WNT7A: variants seen among roughly 807,000 people sequenced by gnomAD.
WNT7A encodes protein Wnt-7a.
In WNT7A, 16 loss-of-function variants were observed where a neutral mutation model predicts 28.2. That is an observed-to-expected ratio of 0.57 (90% CI 0.38 to 0.86). The LOEUF (loss-of-function observed/expected upper bound fraction) is 0.86. Among genes scored for constraint, WNT7A ranks in the 40% least tolerant of loss-of-function variants. The pLI is 0.00. For synonymous variants in WNT7A, 190 were observed against 195.9 expected, an observed-to-expected ratio of 0.97 and a Z score of 0.25; for missense variants, 411 against 489.7, an observed-to-expected ratio of 0.84 and a Z score of 1.52.
intron 3 of WNT7A, among the ~76,000 whole-genome samples, chr3:13,849,872 G>A (rs1694600415): frequency 6.6e-6 from 1 of 152,212 alleles, no homozygotes; most frequent in Non-Finnish European, 1.5e-5. Flanking sequence ...TTGGTTGACT[G>A]CAGGAGTGTG....
At chr3:13,849,586 G>T (rs1320691098) in intron 3 of WNT7A, among the ~76,000 whole-genome samples, 1 of 152,264 alleles carries the variant, frequency 6.6e-6, no homozygotes, top group East Asian at 1.9e-4. Flanking sequence ...ACCCTGTGGT[G>T]CTGACCCTGC....
At chr3:13,832,254 T>C (rs1458393499) in intron 3 of WNT7A, among the ~76,000 whole-genome samples, 3 of 146,156 alleles carry the variant, frequency 2.1e-5, no homozygotes, top group African/African-American at 7.6e-5. Context: ...CCTCCTCCTC[T>C]TGCTCCCATC....
chr3:13,856,278 G>T (rs562414450), intron 2 of WNT7A, among the ~76,000 whole-genome samples: 1 of 152,216 alleles, frequency 6.6e-6, no homozygotes. Flanking sequence ...TCTCCTGTCC[G>T]CATCTCAGTC....
At chr3:13,847,857 T>C (rs1291244506) in intron 3 of WNT7A, among the ~76,000 whole-genome samples, 2 of 152,036 alleles carry the variant, frequency 1.3e-5, no homozygotes. Context: ...AGTCTTCGTT[T>C]GGGAAGATGG....
chr3:13,847,920 T>C (rs1356646669), intron 3 of WNT7A, among the ~76,000 whole-genome samples: 1 of 152,166 alleles, frequency 6.6e-6, no homozygotes, highest in Non-Finnish European at 1.5e-5. Context: ...GAGAGTGTGC[T>C]TGATGCCACT....
intron 3 of WNT7A, among the ~76,000 whole-genome samples, chr3:13,851,118 G>T (rs115012158): frequency 6.6e-6 from 1 of 152,056 alleles, no homozygotes; most frequent in Non-Finnish European, 1.5e-5. Flanking sequence ...CTCCCCAGCC[G>T]TGCGCCCCGA....
intron 3 of WNT7A, among the ~76,000 whole-genome samples, chr3:13,832,483 C>T (rs544018989): frequency 1.4e-4 from 21 of 151,960 alleles, no homozygotes; most frequent in African/African-American, 4.6e-4. Context: ...CCTCCTCCTC[C>T]CCCTCCTCAG....
At chr3:13,837,807 G>A (rs1226423994) in intron 3 of WNT7A, among the ~76,000 whole-genome samples, 1 of 152,152 alleles carries the variant, frequency 6.6e-6, no homozygotes, top group East Asian at 1.9e-4. Context: ...CCCCAGCAAG[G>A]CCCTGCCCAG....
intron 2 of WNT7A, among the ~76,000 whole-genome samples, chr3:13,862,749 T>C (rs1011315209): frequency 6.6e-6 from 1 of 152,216 alleles, no homozygotes; most frequent in Non-Finnish European, 1.5e-5. Context: ...CCAGCCTCTG[T>C]CTTTCTCCAT....
chr3:13,847,844 CAG>C (rs1258039045), intron 3 of WNT7A, among the ~76,000 whole-genome samples: 1 of 152,052 alleles, frequency 6.6e-6, no homozygotes, highest in African/African-American at 2.4e-5. Flanking sequence ...TTAACAGGGA[CAG>C]AGTCTTCGTT....
chr3:13,852,832 G>A lies in WNT7A; in HGVS notation c.570+1700C>T, dbSNP rs530864180. ...ACTCAGCCCTTTCTCTGCATACACC[G>A]GGGAGTCCACAGTCCCACCTCTTGG... On this transcript the variant is annotated intron_variant, in intron 3 of 3. Coordinates refer to ENST00000285018, the MANE Select transcript of WNT7A (RefSeq NM_004625.4). 3.3e-5 allele frequency among the ~76,000 whole-genome samples: 5 copies of A among 152,254 alleles called. No individual in the cohort carries two copies. In the East Asian group the frequency reaches 7.7e-4, roughly 24 times the overall value.
At chr3:13,862,923 G>A (rs1024210223) in intron 2 of WNT7A, among the ~76,000 whole-genome samples, 11 of 152,202 alleles carry the variant, frequency 7.2e-5, no homozygotes, top group African/African-American at 2.4e-4. Context: ...AGTGAATGTA[G>A]CCCAGGAAGT....
intron 3 of WNT7A, among the ~76,000 whole-genome samples, chr3:13,832,443 T>C (rs1559296522): frequency 7.4e-6 from 1 of 134,996 alleles, no homozygotes; most frequent in African/African-American, 2.8e-5. Flanking sequence ...TTCTCAAGCT[T>C]CTCCTTCTTC....
rs1234520911 is a variant in WNT7A at position 13,846,193 on chromosome 3, C to T, written c.570+8339G>A. 1.1e-4 allele frequency among the ~76,000 whole-genome samples: 16 copies of T among 152,250 alleles called. 1 individual carries two copies. The highest frequency in any genetic ancestry group is 1.0e-3 in the Admixed American group (16 of 15,288). On this transcript the variant is annotated intron_variant, in intron 3 of 3. Transcript: ENST00000285018. ...TGCACGTGTGCGTGCCTGGATAACC[C>T]ACAACCCAAATGACCACATAGTGGG...
chr3:13,819,189 C>T lies in WNT7A; in HGVS notation c.805G>A (p.Val269Met), dbSNP rs752474668. The change falls in exon 4 of 4, where the codon GTG becomes ATG. Residue 269 changes from valine to methionine, a missense_variant. Physicochemically the swap from Val to Met is conservative, Grantham distance 21. Coordinates refer to ENST00000285018, the MANE Select transcript of WNT7A (RefSeq NM_004625.4). Reference sequence around the variant, plus strand: ...TAGTTGGGCGACTTCTCGATGTACACCAGGTCCGTGTCCATGGGCTTGCGG... The same window carrying T: ...TAGTTGGGCGACTTCTCGATGTACATCAGGTCCGTGTCCATGGGCTTGCGG... ...SYRKPMDTDL[V>M]YIEKSPNYCE... The T allele has an allele frequency of 6.2e-7, 1 of 1,614,270 alleles. No individual in the cohort carries two copies.
intron 3 of WNT7A, among the ~76,000 whole-genome samples, chr3:13,831,483 G>C (rs1461081948): frequency 6.6e-6 from 1 of 152,188 alleles, no homozygotes; most frequent in African/African-American, 2.4e-5. Flanking sequence ...GGGTGGGCTA[G>C]GATGGCCTTG....
chr3:13,866,738 T>C (rs769664180), intron 2 of WNT7A, among the ~76,000 whole-genome samples: 3 of 152,080 alleles, frequency 2.0e-5, no homozygotes, highest in Admixed American at 6.5e-5. Context: ...TGGGTGTGCG[T>C]TTTATTCTCA....
intron 3 of WNT7A, among the ~76,000 whole-genome samples, chr3:13,852,238 C>A (rs891250288): frequency 1.3e-5 from 2 of 152,240 alleles, no homozygotes; most frequent in Non-Finnish European, 2.9e-5. Flanking sequence ...TTCTCTCACA[C>A]CAGCTGCCAA....
At chr3:13,877,371 C>T (rs755823095) in intron 1 of WNT7A, among the ~76,000 whole-genome samples, 8 of 152,170 alleles carry the variant, frequency 5.3e-5, no homozygotes, top group Non-Finnish European at 1.2e-4. Context: ...GCGCTAAACC[C>T]GAGTCTAACA....
Sources: gnomAD v4.1 joint callset for allele counts (sites outside exome capture counted in the v4.1 genomes callset) on GRCh38, gnomAD v4.1.1 for gene constraint, MANE v1.5 for transcripts, NCBI Gene and HGNC (gene_info 2026-07-23, HGNC 2026-07-21) for gene names.